Variants in CCDC22 observed in about 807,000 individuals in gnomAD.
CCDC22 encodes coiled-coil domain-containing protein 22.
CCDC22 carries 4 observed loss-of-function variants against 53.1 expected under a neutral mutation model. The ratio of observed to expected loss-of-function variants is 0.08; its 90% CI spans 0.04 to 0.17. CCDC22 has a LOEUF of 0.17. Among genes scored for constraint, CCDC22 ranks in the 10% least tolerant of loss-of-function variants. The pLI is 1.00. For synonymous variants in CCDC22, 222 were observed against 224.4 expected (o/e 0.99, Z 0.10); for missense variants, 458 against 554.0 (o/e 0.83, Z 1.74).
rs782522722 is a variant in CCDC22, at chrX:49,243,301, G to A, written c.553G>A (p.Ala185Thr). The part of the protein sequence containing the change: ...SSRGEPREFQ[A>T]SPLLLPVPTQ... Reference sequence around the variant, plus strand: ...GCCTCCAGAGCCACGGGAGTTCCAGGCGAGTCCCCTGCTGCTTCCAGTCCC... The same window carrying A: ...GCCTCCAGAGCCACGGGAGTTCCAGACGAGTCCCCTGCTGCTTCCAGTCCC... Residue 185 changes from alanine to threonine, a missense_variant, in exon 6 of 17, where the codon GCG becomes ACG. Physicochemically the swap from Ala to Thr is moderately conservative, Grantham distance 58. Coordinates refer to ENST00000376227, the MANE Select transcript of CCDC22 (RefSeq NM_014008.5). The A allele has an allele frequency of 3.5e-5, 42 of 1,201,909 alleles. No homozygotes were observed. Among genetic ancestry groups the A allele is most frequent in the Middle Eastern group, 2.3e-4 (1 of 4,304 alleles).
At chrX:49,244,605 G>C (rs1425904597) in intron 6 of CCDC22, among the ~76,000 whole-genome samples, 2 of 109,943 alleles carry the variant, frequency 1.8e-5, no homozygotes, top group African/African-American at 6.6e-5. Context: ...CTGTCACCCA[G>C]GCTGGACTAC....
intron 3 of CCDC22, among the ~76,000 whole-genome samples, chrX:49,242,506 T>C (rs1282723552): frequency 9.0e-6 from 1 of 111,422 alleles, no homozygotes; most frequent in African/African-American, 3.3e-5. Flanking sequence ...TGGTTACCTT[T>C]CCCCTAGGTA....
intron 14 of CCDC22, 115 bp downstream of exon 14, chrX:49,249,377 C>G: frequency 1.1e-6 from 1 of 878,745 alleles, no homozygotes; most frequent in Non-Finnish European, 1.7e-6. Context: ...TGGAGGTGCA[C>G]TGATACCCAG....
In CCDC22 at chrX:49,246,822, C is replaced by G; in HGVS notation, c.806C>G (p.Ala269Gly). Residue 269 changes from alanine (A) to glycine (G), a missense_variant, in exon 7 of 17, where the codon GCC (alanine) becomes GGC (glycine). By Grantham distance (60) the Ala-to-Gly change is moderately conservative. Coordinates refer to ENST00000376227, the MANE Select transcript of CCDC22 (RefSeq NM_014008.5). Reference sequence around the variant, plus strand: ...GGCCTGCTTGGGGCCCCCATACAAGCCCGGGACCTGGGAGAACTGCTGCAG... The same window carrying G: ...GGCCTGCTTGGGGCCCCCATACAAGGCCGGGACCTGGGAGAACTGCTGCAG... ...SWGLLGAPIQ[A>G]RDLGELLQAW... 8.3e-7 allele frequency: 1 copy of G among 1,200,333 alleles called. No individual in the cohort carries two copies.
At chrX:49,248,355 G>T (rs781942708) in intron 10 of CCDC22, 45 bp downstream of exon 10, 1 of 1,180,358 alleles carries the variant, frequency 8.5e-7, no homozygotes, top group Non-Finnish European at 1.1e-6. Context: ...AGGGTGGGGT[G>T]GGGTGGGGTT....
At position 49,247,508 on chromosome X, in the gene CCDC22, C is replaced by A. The variant is rs868949523; in HGVS notation, c.922C>A (p.Gln308Lys). 1 of 1,196,546 alleles carries A rather than the reference C, an allele frequency of 8.4e-7. No homozygotes were observed. Among genetic ancestry groups the A allele is most frequent in the East Asian group, 3.0e-5 (1 of 32,878 alleles). ...KFTFHLEPQA[Q>K]ATQVSDVPAT... ...TCACTCCCCTTAGGAGCCCCAGGCC[C>A]AGGCCACTCAGGTGTCAGATGTGCC... is the stretch of plus-strand genomic sequence containing the variant. Residue 308 changes from glutamine to lysine, a missense_variant, in exon 8 of 17, where the codon CAG becomes AAG. Transcript: ENST00000376227.
chrX:49,248,843 A>G lies in CCDC22; in HGVS notation c.1458A>G (p.Arg486=), dbSNP rs1236539355. 8.3e-7 allele frequency: 1 copy of G among 1,208,790 alleles called. No homozygotes were observed. Among genetic ancestry groups the G allele is most frequent in the Non-Finnish European group, 1.1e-6 (1 of 894,770 alleles). The part of the protein sequence containing the change: ...QLMSELETLP[R]DVSRLAYTQR... ...TGTCAGAGCTGGAGACTCTGCCCAGAGATGTGTCCCGGCTGGCCTACACCC... is the reference window on the plus strand; with the variant it reads ...TGTCAGAGCTGGAGACTCTGCCCAGGGATGTGTCCCGGCTGGCCTACACCC... Residue 486 remains arginine (R), a synonymous_variant, in exon 13 of 17, where the codon AGA becomes AGG. Coordinates refer to ENST00000376227, the MANE Select transcript of CCDC22 (RefSeq NM_014008.5).
chrX:49,241,486 C>CAA (rs386416987), intron 2 of CCDC22, among the ~76,000 whole-genome samples: 6 of 66,681 alleles, frequency 9.0e-5, no homozygotes, highest in African/African-American at 2.8e-4. Flanking sequence ...GACCCTGTCT[C>CAA]AAAAAAAAAA....
intron 14 of CCDC22, 38 bp downstream of exon 14, chrX:49,249,300 C>G: frequency 9.4e-7 from 1 of 1,063,992 alleles, no homozygotes; most frequent in Non-Finnish European, 1.3e-6. Flanking sequence ...TGGGGTGAGG[C>G]TGGGCTGCTG....
rs1557114515 is a variant in CCDC22, at chrX:49,247,775, G to T, written c.1092+7G>T. 1.7e-6 allele frequency: 2 copies of T among 1,211,029 alleles called. No individual in the cohort carries two copies. The highest frequency in any genetic ancestry group is 2.2e-6 in the Non-Finnish European group (2 of 895,177). On this transcript the variant is annotated splice_region_variant and intron_variant, in intron 9 of 16. Transcript: ENST00000376227. ...GGGCGTCAGCTTTGTGCAGGTAAGG[G>T]GCGGAGGAGGGGCTGCGCGTTGGGC... is the stretch of plus-strand genomic sequence containing the variant.
Position 49,242,881 on chromosome X carries a change from C to T in CCDC22, c.362-5C>T. The T allele has an allele frequency of 4.5e-6, 5 of 1,108,542 alleles. No homozygotes were observed. Among genetic ancestry groups the T allele is most frequent in the South Asian group, 2.2e-5 (1 of 44,863 alleles). 91.4% of individuals were successfully genotyped at this position (1,108,542 alleles called of 1,213,427 possible). A position where few individuals can be genotyped will look rare whatever the true frequency, so the allele number is the denominator to read the frequency against. ...TCTGATTCACTTCCTCCCTATCCCC[C>T]ATAGGTGACTCAGCTATTCTCCTCC... On this transcript the variant is annotated splice_polypyrimidine_tract_variant and splice_region_variant and intron_variant, in intron 3 of 16. Transcript: ENST00000376227.
chrX:49,243,303 G>A lies in CCDC22; in HGVS notation c.555G>A (p.Ala185=), dbSNP rs781846259. 8 of 1,200,493 alleles carry A rather than the reference G, an allele frequency of 6.7e-6. No homozygotes were observed. Among genetic ancestry groups the A allele is most frequent in the South Asian group, 5.4e-5 (3 of 55,175 alleles). The change falls in exon 6 of 17, where the codon GCG becomes GCA. Residue 185 remains alanine, a synonymous_variant. Coordinates refer to ENST00000376227, the MANE Select transcript of CCDC22 (RefSeq NM_014008.5). ...SSRGEPREFQ[A]SPLLLPVPTQ... is the part of the protein sequence containing the mutation. ...CTCCAGAGCCACGGGAGTTCCAGGC[G>A]AGTCCCCTGCTGCTTCCAGTCCCTA... is the stretch of plus-strand genomic sequence containing the variant.
At chrX:49,244,008 C>T (rs782262843) in intron 6 of CCDC22, among the ~76,000 whole-genome samples, 10 of 112,431 alleles carry the variant, frequency 8.9e-5, no homozygotes, top group Non-Finnish European at 1.5e-4. Context: ...AGGCTGGTCT[C>T]GAATTCCTGA....
In CCDC22 at chrX:49,248,854, G is replaced by A. The variant is rs1051406697; in HGVS notation, c.1469G>A (p.Arg490Gln). ...GAGACTCTGCCCAGAGATGTGTCCC[G>A]GCTGGCCTACACCCAGCGCATCCTG... ...ELETLPRDVS[R>Q]LAYTQRILEI... is the part of the protein sequence containing the mutation. The change falls in exon 13 of 17, where the codon CGG (arginine) becomes CAG (glutamine). Residue 490 changes from arginine to glutamine, a missense_variant. This residue lies in a region of CCDC22 where 48 missense variants were observed against 83.4 expected (regional missense o/e 0.58). Transcript: ENST00000376227. The A allele has an allele frequency of 6.6e-6, 8 of 1,210,599 alleles. No individual in the cohort carries two copies. Among genetic ancestry groups the A allele is most frequent in the Non-Finnish European group, 8.9e-6 (8 of 895,158 alleles).
rs782176188 is a variant in CCDC22 at position 49,243,324 on chromosome X, C to A, written c.576C>A (p.Val192=). 2.5e-6 allele frequency: 3 copies of A among 1,204,607 alleles called. No homozygotes were observed. The highest frequency in any genetic ancestry group is 3.4e-6 in the Non-Finnish European group (3 of 891,656). The part of the protein sequence containing the change: ...EFQASPLLLP[V]PTQVPQPVGR... ...AGGCGAGTCCCCTGCTGCTTCCAGT[C>A]CCTACCCAGGTGCCTCAGCCTGTTG... The change falls in exon 6 of 17, where the codon GTC becomes GTA. Residue 192 remains valine, a synonymous_variant. Transcript: ENST00000376227.
At position 49,235,696 on chromosome X, in the gene CCDC22, G is replaced by C. The variant is rs782302870; in HGVS notation, c.50+10G>C. 9 of 1,176,032 alleles carry C rather than the reference G, an allele frequency of 7.7e-6. No homozygotes were observed. The highest frequency in any genetic ancestry group is 5.4e-5 in the African/African-American group (3 of 55,768). On this transcript the variant is annotated intron_variant, in intron 1 of 16. Coordinates refer to ENST00000376227, the MANE Select transcript of CCDC22 (RefSeq NM_014008.5). ...TGCGCCAGGCCGGCACGTAAGGACA[G>C]AGCCCCCGCCCACCCCCGAAGCCCA...
chrX:49,238,402 C>T (rs1394690039), intron 2 of CCDC22, among the ~76,000 whole-genome samples: 1 of 111,246 alleles, frequency 9.0e-6, no homozygotes, highest in African/African-American at 3.3e-5. Flanking sequence ...CTATAGGACA[C>T]TGTGATTAGC....
intron 1 of CCDC22, among the ~76,000 whole-genome samples, chrX:49,236,199 G>A (rs782508723): frequency 3.3e-3 from 259 of 77,877 alleles, no homozygotes; most frequent in Non-Finnish European, 5.7e-3. Context: ...AAAAACCCAG[G>A]ATTCTTTTTT....
At chrX:49,242,319 G>A (rs2065967716) in intron 3 of CCDC22, 171 bp downstream of exon 3, 2 of 748,087 alleles carry the variant, frequency 2.7e-6, no homozygotes, top group Non-Finnish European at 3.1e-6. Flanking sequence ...GGGCTACAGG[G>A]CAGGGGGCAG....
Sources: allele counts gnomAD v4.1 joint callset (sites outside exome capture counted in the v4.1 genomes callset), GRCh38; gene constraint gnomAD v4.1.1; regional missense constraint gnomAD v4.1.1; transcripts MANE v1.5; gene names NCBI Gene and HGNC (gene_info 2026-07-23, HGNC 2026-07-21).